The following ADAMTSL3 variants were observed in gnomAD, a reference collection of about 807,000 sequenced individuals.
ADAMTSL3 encodes the protein ADAMTS like 3, also known as ADAMTS-like protein 3.
In ADAMTSL3, 128 loss-of-function variants were observed where a neutral mutation model predicts 201.7. The observed-to-expected ratio is 0.63, with a 90% CI of 0.55 to 0.73. The LOEUF is 0.73. ADAMTSL3 is among the 30% of genes least tolerant of loss of function. ADAMTSL3 has a pLI of 0.00. For missense variants in ADAMTSL3, 1,990 were observed against 2,119.6 expected, an observed-to-expected ratio of 0.94 and a Z score of 1.20; for synonymous variants, 738 against 748.4, an observed-to-expected ratio of 0.99 and a Z score of 0.23.
intron 3 of ADAMTSL3, among the ~76,000 whole-genome samples, chr15:83,741,489 G>T (rs900257506): frequency 6.6e-6 from 1 of 152,088 alleles, no homozygotes; most frequent in African/African-American, 2.4e-5. Context: ...GTTTCCTAAT[G>T]AATATCATCC....
chr15:83,933,929 T>A (rs924896243), intron 17 of ADAMTSL3, among the ~76,000 whole-genome samples: 3 of 152,172 alleles, frequency 2.0e-5, no homozygotes, highest in Non-Finnish European at 4.4e-5. Flanking sequence ...TGCCTAGATT[T>A]CAGAGGATGT....
intron 9 of ADAMTSL3, among the ~76,000 whole-genome samples, chr15:83,874,489 G>T (rs1464292712): frequency 6.9e-6 from 1 of 144,310 alleles, no homozygotes; most frequent in Admixed American, 6.8e-5. Flanking sequence ...ACATGGTGCT[G>T]GCAAAATGAC....
At chr15:83,776,554 C>T (rs565784001) in intron 4 of ADAMTSL3, among the ~76,000 whole-genome samples, 1 of 152,122 alleles carries the variant, frequency 6.6e-6, no homozygotes, top group Non-Finnish European at 1.5e-5. Context: ...CCCATCTCTA[C>T]TAAAAATACA....
At chr15:83,814,166 G>A (rs889972723) in intron 5 of ADAMTSL3, among the ~76,000 whole-genome samples, 5 of 152,062 alleles carry the variant, frequency 3.3e-5, no homozygotes, top group African/African-American at 1.2e-4. Context: ...TCCTATGAAT[G>A]GCTAGAATCT....
intron 7 of ADAMTSL3, among the ~76,000 whole-genome samples, chr15:83,841,109 G>A (rs1158794283): frequency 2.0e-5 from 3 of 152,234 alleles, no homozygotes; most frequent in African/African-American, 7.2e-5. Context: ...GAATTATGGT[G>A]TGTGACACCC....
At chr15:83,850,225 T>C (rs972174743) in intron 7 of ADAMTSL3, among the ~76,000 whole-genome samples, 1 of 152,070 alleles carries the variant, frequency 6.6e-6, no homozygotes. Flanking sequence ...CCAAGACTAA[T>C]TAATCCCTCC....
intron 3 of ADAMTSL3, among the ~76,000 whole-genome samples, chr15:83,756,829 G>A (rs1416491694): frequency 1.3e-5 from 2 of 152,158 alleles, no homozygotes; most frequent in African/African-American, 4.8e-5. Flanking sequence ...TTCCAAATAG[G>A]AGGAATTGGC....
chr15:83,871,143 C>T (rs1314921822), intron 9 of ADAMTSL3, among the ~76,000 whole-genome samples, 184 bp downstream of exon 9: 2 of 152,184 alleles, frequency 1.3e-5, no homozygotes, highest in South Asian at 2.1e-4. Flanking sequence ...ATTTCTGCTC[C>T]TAACCCTAAC....
intron 15 of ADAMTSL3, among the ~76,000 whole-genome samples, chr15:83,909,940 C>T (rs2065902933): frequency 6.6e-6 from 1 of 152,042 alleles, no homozygotes. Flanking sequence ...ATGTATGTAC[C>T]CCTCAAACCC....
intron 3 of ADAMTSL3, among the ~76,000 whole-genome samples, chr15:83,730,654 T>C (rs1041586366): frequency 6.6e-6 from 1 of 152,114 alleles, no homozygotes; most frequent in Non-Finnish European, 1.5e-5. Flanking sequence ...TGTGTGAATT[T>C]CTTATATATT....
chr15:83,893,354 A>G (rs759430141), intron 13 of ADAMTSL3, among the ~76,000 whole-genome samples: 3 of 152,174 alleles, frequency 2.0e-5, no homozygotes, highest in Non-Finnish European at 4.4e-5. Flanking sequence ...GAGATGGCCA[A>G]ACAGAGATGG....
chr15:83,769,073 T>G (rs2062936371), intron 3 of ADAMTSL3, among the ~76,000 whole-genome samples: 1 of 152,214 alleles, frequency 6.6e-6, no homozygotes, highest in African/African-American at 2.4e-5. Context: ...CATGCCTATT[T>G]TAGTTATTTT....
intron 4 of ADAMTSL3, among the ~76,000 whole-genome samples, chr15:83,794,967 C>A (rs892139247): frequency 6.6e-6 from 1 of 152,094 alleles, no homozygotes; most frequent in African/African-American, 2.4e-5. Context: ...ATTCTCCCAC[C>A]TCAGCCTCCC....
At position 83,819,961 on chromosome 15, in the gene ADAMTSL3, T is replaced by C; in HGVS notation, c.514T>C (p.Leu172=). Residue 172 remains leucine, a synonymous_variant, in exon 6 of 30, where the codon TTG becomes CTG. Coordinates refer to ENST00000286744, the MANE Select transcript of ADAMTSL3 (RefSeq NM_207517.3). ...ALKCHAQGQN[L]VVELAPKVLD... is the part of the protein sequence containing the mutation. ...CAAGTGTCATGCACAAGGACAAAAC[T>C]TGGTGGTGGAGCTGGCACCTAAGGT... The C allele has an allele frequency of 6.2e-7, 1 of 1,614,080 alleles. No homozygotes were observed. Among genetic ancestry groups the C allele is most frequent in the Non-Finnish European group, 8.5e-7 (1 of 1,180,014 alleles).
At chr15:84,014,411 AT>A in intron 23 of ADAMTSL3, 130 bp from the exon 24 acceptor site, 3 of 827,306 alleles carry the variant, frequency 3.6e-6, no homozygotes, top group Non-Finnish European at 3.8e-6. Flanking sequence ...AGAAATAGCC[AT>A]TTTTCCTATT....
chr15:84,016,238 C>T (rs2068084896), intron 24 of ADAMTSL3, 145 bp from the exon 25 acceptor site: 1 of 636,972 alleles, frequency 1.6e-6, no homozygotes, highest in Non-Finnish European at 2.8e-6. Flanking sequence ...ACCTCCCAGA[C>T]CTGTGGTCAT....
At chr15:83,943,802 C>T (rs906619641) in intron 19 of ADAMTSL3, among the ~76,000 whole-genome samples, 1 of 152,158 alleles carries the variant, frequency 6.6e-6, no homozygotes, top group African/African-American at 2.4e-5. Flanking sequence ...CATAGTGTTC[C>T]CATCACTGTG....
chr15:83,670,909 G>A (rs938833525), intron 2 of ADAMTSL3, among the ~76,000 whole-genome samples: 3 of 152,152 alleles, frequency 2.0e-5, no homozygotes, highest in South Asian at 2.1e-4. Flanking sequence ...AGTAATTAGC[G>A]TTCTTCAGAG....
chr15:83,904,813 G>A (rs1468825196), intron 15 of ADAMTSL3, among the ~76,000 whole-genome samples: 1 of 152,208 alleles, frequency 6.6e-6, no homozygotes. Flanking sequence ...AGGAAATAGG[G>A]TGGACTTAGT....
Sources: allele counts gnomAD v4.1 joint callset (sites outside exome capture counted in the v4.1 genomes callset), GRCh38; gene constraint gnomAD v4.1.1; transcripts MANE v1.5; gene names NCBI Gene and HGNC (gene_info 2026-07-23, HGNC 2026-07-21).